RUNDC3B: variants seen among roughly 807,000 people sequenced by gnomAD.
The protein encoded by RUNDC3B is RUN domain containing 3B, also known as RUN domain-containing protein 3B.
Under a neutral mutation model 58.4 loss-of-function variants are expected in RUNDC3B, and 33 were observed. That is an observed-to-expected ratio of 0.56 (90% CI 0.43 to 0.75). The LOEUF (loss-of-function observed/expected upper bound fraction) is 0.75, where lower values mean the gene tolerates loss of function less well. Among genes scored for constraint, RUNDC3B ranks in the 30% least tolerant of loss-of-function variants. RUNDC3B has a pLI of 0.00. For missense variants in RUNDC3B, 501 were observed against 535.7 expected, an observed-to-expected ratio of 0.94 and a Z score of 0.64; for synonymous variants, 193 against 195.2, an observed-to-expected ratio of 0.99 and a Z score of 0.10.
intron 1 of RUNDC3B, among the ~76,000 whole-genome samples, chr7:87,648,551 A>T (rs1823258344): frequency 6.6e-6 from 1 of 152,132 alleles, no homozygotes; most frequent in Non-Finnish European, 1.5e-5. Context: ...AAAGAGGCTT[A>T]CACTATATCT....
chr7:87,758,006 A>T (rs1453881188), intron 6 of RUNDC3B, among the ~76,000 whole-genome samples: 3 of 152,158 alleles, frequency 2.0e-5, no homozygotes, highest in African/African-American at 4.8e-5. Flanking sequence ...AACCAAATCA[A>T]AATGCATTAA....
chr7:87,766,536 G>C (rs185848094), intron 6 of RUNDC3B, among the ~76,000 whole-genome samples: 80 of 152,132 alleles, frequency 5.3e-4, no homozygotes, highest in Non-Finnish European at 1.0e-3. Flanking sequence ...TTCTTGGCTA[G>C]TGTTTTTTTC....
At chr7:87,700,061 A>G (rs1422416815) in intron 2 of RUNDC3B, among the ~76,000 whole-genome samples, 1 of 152,120 alleles carries the variant, frequency 6.6e-6, no homozygotes, top group Non-Finnish European at 1.5e-5. Context: ...GACATTTATT[A>G]ATGCTTAACT....
At chr7:87,720,602 TTTTTC>T (rs1830825763) in intron 4 of RUNDC3B, among the ~76,000 whole-genome samples, 1 of 151,474 alleles carries the variant, frequency 6.6e-6, no homozygotes, top group African/African-American at 2.4e-5. Context: ...TTTCTTTTTT[TTTTTC>T]TTTTCTTTTT....
chr7:87,821,667 A>G (rs974078072), intron 10 of RUNDC3B, among the ~76,000 whole-genome samples: 5 of 152,378 alleles, frequency 3.3e-5, no homozygotes, highest in Admixed American at 6.5e-5. Flanking sequence ...TAACCAAAAC[A>G]GCATGGTACT....
At chr7:87,647,720 A>G (rs1329434209) in intron 1 of RUNDC3B, among the ~76,000 whole-genome samples, 1 of 152,178 alleles carries the variant, frequency 6.6e-6, no homozygotes, top group Non-Finnish European at 1.5e-5. Context: ...TTTTGCCACT[A>G]GCTCTTTAGT....
At chr7:87,696,823 A>T (rs1425368531) in intron 2 of RUNDC3B, among the ~76,000 whole-genome samples, 3 of 152,112 alleles carry the variant, frequency 2.0e-5, no homozygotes, top group African/African-American at 7.2e-5. Flanking sequence ...TCAGTTTGTA[A>T]TCTGGGAAAT....
intron 2 of RUNDC3B, among the ~76,000 whole-genome samples, chr7:87,659,533 A>G (rs1305531596): frequency 6.6e-6 from 1 of 152,160 alleles, no homozygotes; most frequent in African/African-American, 2.4e-5. Context: ...CTCTACATAC[A>G]TATAGGACCA....
chr7:87,761,580 A>G (rs1445427600), intron 6 of RUNDC3B, among the ~76,000 whole-genome samples: 2 of 151,920 alleles, frequency 1.3e-5, no homozygotes, highest in Non-Finnish European at 2.9e-5. Flanking sequence ...AGTGTTCACC[A>G]GTTGGTGAAT....
rs1473871852 is a variant in RUNDC3B, at chr7:87,777,817, T to TAA, written c.819_820insAA (p.Arg274AsnfsTer36). ...TTCCAGGGTTACCTTGAAGAACTCT[T>TAA]ACGACTTCGAGAGAACCAACTATCT... is the stretch of plus-strand genomic sequence containing the variant. On this transcript the variant is annotated frameshift_variant, in exon 8 of 11. Coordinates refer to ENST00000394654, the MANE Select transcript of RUNDC3B (RefSeq NM_001134405.2). LOFTEE classifies it high-confidence loss of function. 6.2e-7 allele frequency: 1 copy of TAA among 1,613,548 alleles called. No individual in the cohort carries two copies. The highest frequency in any genetic ancestry group is 8.5e-7 in the Non-Finnish European group (1 of 1,179,770).
At chr7:87,814,466 A>G (rs1836918189) in intron 9 of RUNDC3B, among the ~76,000 whole-genome samples, 1 of 152,190 alleles carries the variant, frequency 6.6e-6, no homozygotes, top group South Asian at 2.1e-4. Context: ...TAGATAGCAT[A>G]GTATTTAAGG....
intron 6 of RUNDC3B, among the ~76,000 whole-genome samples, chr7:87,742,790 C>T (rs1379127025): frequency 6.6e-6 from 1 of 152,106 alleles, no homozygotes; most frequent in Non-Finnish European, 1.5e-5. Context: ...CTTTCCCTCT[C>T]ATCCCCAGGG....
intron 9 of RUNDC3B, among the ~76,000 whole-genome samples, chr7:87,813,750 C>A (rs1275196646): frequency 6.6e-6 from 1 of 151,878 alleles, no homozygotes; most frequent in Non-Finnish European, 1.5e-5. Flanking sequence ...GAGGCCGAGG[C>A]GGGAGGATCG....
chr7:87,777,698 C>A (rs935581617), intron 7 of RUNDC3B, 100 bp from the exon 8 acceptor site: 5 of 866,048 alleles, frequency 5.8e-6, no homozygotes, highest in African/African-American at 1.8e-5. Flanking sequence ...TGTTTCATTA[C>A]AATATAAATA....
chr7:87,650,446 G>A (rs1042676963), intron 1 of RUNDC3B, among the ~76,000 whole-genome samples: 20 of 152,238 alleles, frequency 1.3e-4, no homozygotes, highest in African/African-American at 4.6e-4. Flanking sequence ...CATGGCAGAA[G>A]AGGCAAACAA....
At chr7:87,729,097 T>C (rs1831425431) in intron 4 of RUNDC3B, among the ~76,000 whole-genome samples, 1 of 152,194 alleles carries the variant, frequency 6.6e-6, no homozygotes, top group African/African-American at 2.4e-5. Flanking sequence ...ATAACTTCCA[T>C]GTATGAAAAT....
At chr7:87,753,372 T>C (rs1305443857) in intron 6 of RUNDC3B, among the ~76,000 whole-genome samples, 17 of 150,992 alleles carry the variant, frequency 1.1e-4, no homozygotes, top group African/African-American at 4.2e-4. Flanking sequence ...TGGAGAGTTC[T>C]GTAGATGTCT....
intron 8 of RUNDC3B, among the ~76,000 whole-genome samples, chr7:87,800,987 T>C (rs910816181): frequency 6.6e-6 from 1 of 152,190 alleles, no homozygotes; most frequent in Non-Finnish European, 1.5e-5. Flanking sequence ...CTGAAGATAA[T>C]TTATACAATA....
rs530831943 is a variant in RUNDC3B at position 87,693,613 on chromosome 7, G to A, written c.239-6808G>A. On this transcript the variant is annotated intron_variant, in intron 2 of 10. Coordinates refer to ENST00000394654, the MANE Select transcript of RUNDC3B (RefSeq NM_001134405.2). ...CTACTCATCAGTTTATTACATCTGAGAAAGAATGATGGAGGTAAAAGTAAA... is the reference window on the plus strand; with the variant it reads ...CTACTCATCAGTTTATTACATCTGAAAAAGAATGATGGAGGTAAAAGTAAA... Among the ~76,000 whole-genome samples the A allele has an allele frequency of 2.0e-5, 3 of 152,190 alleles. No individual in the cohort carries two copies. The East Asian group carries it at 5.8e-4, about 29-fold the overall frequency.
Sources: allele counts gnomAD v4.1 joint callset (sites outside exome capture counted in the v4.1 genomes callset), GRCh38; gene constraint gnomAD v4.1.1; transcripts MANE v1.5; gene names NCBI Gene and HGNC (gene_info 2026-07-23, HGNC 2026-07-21).